SMARCD2: variants seen among roughly 807,000 people sequenced by gnomAD.
The protein encoded by SMARCD2 is SWI/SNF related BAF chromatin remodeling complex subunit D2.
SMARCD2 carries 39 observed loss-of-function variants against 70.4 expected under a neutral mutation model. The observed-to-expected ratio is 0.55, with a 90% CI of 0.43 to 0.72. SMARCD2 has a LOEUF of 0.72. Ranked by LOEUF, SMARCD2 falls within the 30% of genes least tolerant of loss-of-function variation. The pLI, the probability that SMARCD2 is intolerant of heterozygous loss-of-function variation, is 0.00. For synonymous variants in SMARCD2, 249 were observed against 279.4 expected, an observed-to-expected ratio of 0.89 and a Z score of 1.08; for missense variants, 540 against 713.4, an observed-to-expected ratio of 0.76 and a Z score of 2.77.
Position 63,837,693 on chromosome 17 carries a change from C to T in SMARCD2, c.217-68G>A. 4.6e-6 allele frequency: 6 copies of T among 1,301,346 alleles called. No individual in the cohort carries two copies. The highest frequency in any genetic ancestry group is 4.1e-5 in the South Asian group (3 of 73,590). The allele number at this position is 1,301,346 out of a possible 1,614,324, so 80.6% of individuals were successfully genotyped here. On this transcript the variant is annotated intron_variant, in intron 1 of 12. Coordinates refer to ENST00000448276, the MANE Select transcript of SMARCD2 (RefSeq NM_001098426.2). The surrounding 1 kb of genome is among the most constrained non-coding windows in gnomAD (Gnocchi z 6.4). ...GGCCCTCCGGGACCCATAGCCCATG[C>T]CCTCCATCCCTCTCGTCAGCCAGGT...
intron 1 of SMARCD2, among the ~76,000 whole-genome samples, chr17:63,839,457 A>G (rs919598694): frequency 2.0e-5 from 3 of 152,048 alleles, no homozygotes; most frequent in African/African-American, 7.3e-5. Context: ...TCCTGGGCCC[A>G]GAGCCCCTGG....
intron 5 of SMARCD2, 43 bp downstream of exon 5, chr17:63,835,369 C>T: frequency 6.3e-7 from 1 of 1,589,374 alleles, no homozygotes. Context: ...GTCTTAAACC[C>T]ACACAGGCCT....
rs1319160066 is a variant in SMARCD2, at chr17:63,835,578, A to G, written c.568-11T>C. ...AAGCTTTCGCTTTTGCTAAAGAGAG[A>G]AAGGCAATCACAACTGGAGGTGGAC... On this transcript the variant is annotated splice_polypyrimidine_tract_variant and intron_variant, in intron 4 of 12. Transcript: ENST00000448276. 4 of 1,613,312 alleles carry G rather than the reference A, an allele frequency of 2.5e-6. No individual in the cohort carries two copies. In the South Asian group the frequency reaches 4.4e-5, roughly 18 times the overall value.
chr17:63,834,290 C>A lies in SMARCD2; in HGVS notation c.960G>T (p.Leu320=). The A allele has an allele frequency of 1.9e-6, 3 of 1,612,236 alleles. No individual in the cohort carries two copies. Among genetic ancestry groups the A allele is most frequent in the Non-Finnish European group, 1.7e-6 (2 of 1,179,104 alleles). The change falls in exon 8 of 13, where the codon CTG becomes CTT. Residue 320 remains leucine, a synonymous_variant. Coordinates refer to ENST00000448276, the MANE Select transcript of SMARCD2 (RefSeq NM_001098426.2). The surrounding 1 kb of genome is among the most constrained non-coding windows in gnomAD (Gnocchi z 5.6). The part of the protein sequence containing the change: ...QYKLDPRLAR[L]LGVHTQTRAA... ...CCCTCGTCTGCGTGTGCACTCCCAG[C>A]AGCCTTGCCAATCGGGGGTCCAATT...
chr17:63,842,606 C>G lies in SMARCD2; in HGVS notation c.69G>C (p.Ala23=), dbSNP rs1472660214. Residue 23 remains alanine, a synonymous_variant, in exon 1 of 13, where the codon GCG becomes GCC. Transcript: ENST00000448276. The stretch of plus-strand genomic sequence containing the variant: ...CGGGGGGAGGCGGCGCTCCCAGGGC[C>G]GCAGCCACGGCGCCGCCGCCAGGGC... ...PLSPGGGAVA[A]ALGAPPPPAG... 1 of 1,223,566 alleles carries G rather than the reference C, an allele frequency of 8.2e-7. No individual in the cohort carries two copies. Among genetic ancestry groups the G allele is most frequent in the Non-Finnish European group, 1.0e-6 (1 of 983,202 alleles). The allele number at this position is 1,223,566 out of a possible 1,614,324, so 75.8% of individuals were successfully genotyped here.
chr17:63,839,306 G>C, intron 1 of SMARCD2: 1 of 893,324 alleles, frequency 1.1e-6, no homozygotes, highest in Non-Finnish European at 1.3e-6. Context: ...TGGTCCCCAG[G>C]AAGCTCCCTG....
intron 5 of SMARCD2, chr17:63,835,075 CG>C (rs1279956945): frequency 9.2e-6 from 5 of 542,072 alleles, no homozygotes; most frequent in African/African-American, 7.6e-5. Flanking sequence ...CTTGGAGCAG[CG>C]CCCCCCTCCC....
chr17:63,839,285 C>T (rs999461253), intron 1 of SMARCD2: 51 of 977,952 alleles, frequency 5.2e-5, no homozygotes, highest in Admixed American at 6.2e-5. Context: ...CAGAGGTGAG[C>T]GAGGGCCCTG....
At chr17:63,835,362 TTAAACCCACA>T in intron 5 of SMARCD2, 40 bp downstream of exon 5, 1 of 1,580,838 alleles carries the variant, frequency 6.3e-7, no homozygotes. Flanking sequence ...GGTCTCAGTC[TTAAACCCACA>T]CAGGCCTCCT....
At chr17:63,835,251 T>C in intron 5 of SMARCD2, 161 bp downstream of exon 5, 1 of 658,306 alleles carries the variant, frequency 1.5e-6, no homozygotes, top group South Asian at 2.0e-5. Context: ...GCCTTATGAG[T>C]AGCTGGGACT....
intron 4 of SMARCD2, 92 bp downstream of exon 4, chr17:63,836,830 G>C (rs555334124): frequency 3.0e-6 from 4 of 1,311,864 alleles, no homozygotes; most frequent in Non-Finnish European, 4.3e-6. Flanking sequence ...TGAAAAACCC[G>C]GCTCTAGCCC....
chr17:63,834,755 C>A lies in SMARCD2; in HGVS notation c.769G>T (p.Val257Phe). The A allele has an allele frequency of 6.2e-7, 1 of 1,613,910 alleles. No homozygotes were observed. Among genetic ancestry groups the A allele is most frequent in the East Asian group, 2.2e-5 (1 of 44,874 alleles). The change falls in exon 6 of 13, where the codon GTC becomes TTC. Residue 257 changes from valine (V) to phenylalanine (F), a missense_variant. By Grantham distance (50) the Val-to-Phe change is conservative. Coordinates refer to ENST00000448276, the MANE Select transcript of SMARCD2 (RefSeq NM_001098426.2). The surrounding 1 kb of genome is among the most constrained non-coding windows in gnomAD (Gnocchi z 5.6). ...TACAGCTCCTTGTCCAGCTCAATGA[C>A]GAGGCTCTTAAAGAATGAAGAAAAC... Reference protein sequence around the residue: ...RKFSSFFKSLVIELDKELYGP... With the variant: ...RKFSSFFKSLFIELDKELYGP...
At chr17:63,838,298 A>G (rs1448587871) in intron 1 of SMARCD2, among the ~76,000 whole-genome samples, 1 of 152,062 alleles carries the variant, frequency 6.6e-6, no homozygotes, top group East Asian at 1.9e-4. Flanking sequence ...CCCCACCCAC[A>G]GCCCAGAACT....
chr17:63,834,699 T>A lies in SMARCD2; in HGVS notation c.819+6A>T. The A allele has an allele frequency of 1.2e-6, 2 of 1,606,572 alleles. No individual in the cohort carries two copies. The highest frequency in any genetic ancestry group is 1.7e-6 in the Non-Finnish European group (2 of 1,173,104). ...CAGCCTGCTTTTGCCCCAGGCCCAC[T>A]CTCACCTCCACCAGGTGATTGTCAG... On this transcript the variant is annotated splice_donor_region_variant and intron_variant, in intron 6 of 12. Coordinates refer to ENST00000448276, the MANE Select transcript of SMARCD2 (RefSeq NM_001098426.2). This position sits in a 1 kb window ranked among gnomAD's most constrained non-coding sequence, Gnocchi z 5.6.
intron 4 of SMARCD2, 61 bp from the exon 5 acceptor site, chr17:63,835,628 C>A: frequency 6.6e-7 from 1 of 1,516,390 alleles, no homozygotes; most frequent in South Asian, 1.2e-5. Context: ...ACAGTGCTAC[C>A]GCATCTTCTC....
Position 63,832,880 on chromosome 17 carries a change from G to GA in SMARCD2, c.*57dup, listed in dbSNP as rs2144623869. The GA allele has an allele frequency of 6.8e-7, 1 of 1,477,718 alleles. No individual in the cohort carries two copies. The highest frequency in any genetic ancestry group is 1.2e-5 in the South Asian group (1 of 82,612). The allele number at this position is 1,477,718 out of a possible 1,614,324, so 91.5% of individuals were successfully genotyped here. On this transcript the variant is annotated 3_prime_UTR_variant, in exon 13 of 13. Transcript: ENST00000448276. The stretch of plus-strand genomic sequence containing the variant: ...CCTACGTGTCTGCGGCCCCAGCAAG[G>GA]ACCCAGAGGGTGGTCTCCCTCCAGG...
rs1315671178 is a variant in SMARCD2, at chr17:63,837,776, C to T, written c.217-151G>A. Among the ~76,000 whole-genome samples the T allele has an allele frequency of 3.9e-5, 6 of 152,164 alleles. No homozygotes were observed. The highest frequency in any genetic ancestry group is 4.1e-4 in the South Asian group (2 of 4,830). On this transcript the variant is annotated intron_variant, in intron 1 of 12. Transcript: ENST00000448276. This position sits in a 1 kb window ranked among gnomAD's most constrained non-coding sequence, Gnocchi z 6.4. ...AGCCCCAGGAACAAAGGGGAGTGGG[C>T]GCCTGAGCACAGAGTGTAAACCACA...
At chr17:63,842,373 G>T in intron 1 of SMARCD2, 86 bp downstream of exon 1, 1 of 1,235,342 alleles carries the variant, frequency 8.1e-7, no homozygotes, top group Non-Finnish European at 1.0e-6. Flanking sequence ...ATTCCCCAGG[G>T]CCCTCACTCG....
At chr17:63,841,140 G>C (rs1904445700) in intron 1 of SMARCD2, among the ~76,000 whole-genome samples, 1 of 152,258 alleles carries the variant, frequency 6.6e-6, no homozygotes, top group African/African-American at 2.4e-5. Flanking sequence ...CCCCAACGGG[G>C]ACAGCAAGGT....
Sources: gnomAD v4.1 joint callset for allele counts (sites outside exome capture counted in the v4.1 genomes callset) on GRCh38, gnomAD v4.1.1 for gene constraint, Gnocchi (gnomAD v3.1) non-coding constraint, MANE v1.5 for transcripts, NCBI Gene and HGNC (gene_info 2026-07-23, HGNC 2026-07-21) for gene names.